Variants in SLC12A5 observed in about 807,000 individuals in gnomAD.
SLC12A5 encodes the protein solute carrier family 12 member 5.
A neutral mutation model predicts 124.0 loss-of-function variants in SLC12A5; 18 were observed. That is an observed-to-expected ratio of 0.15 (90% confidence interval 0.10 to 0.22). The LOEUF is 0.22. SLC12A5 is among the 10% of genes least tolerant of loss of function. The pLI is 1.00. For missense variants in SLC12A5, 867 were observed against 1,478.7 expected (o/e 0.59, Z 6.78); for synonymous variants, 589 against 568.0 (o/e 1.04, Z -0.53).
chr20:46,053,623 G>C lies in SLC12A5; in HGVS notation c.2593G>C (p.Asp865His). The part of the protein sequence containing the change: ...KMRIFTVAQM[D>H]DNSIQMKKDL... ...GCGTATCTTCACTGTGGCCCAGATGGATGACAATAGCATCCAGATGAAGAA... is the reference window on the plus strand; with the variant it reads ...GCGTATCTTCACTGTGGCCCAGATGCATGACAATAGCATCCAGATGAAGAA... The change falls in exon 20 of 26, where the codon GAT becomes CAT. Residue 865 changes from aspartate (D) to histidine (H), a missense_variant. Physicochemically the swap from Asp to His is moderately conservative, Grantham distance 81. This residue lies in a region of SLC12A5 where 70 missense variants were observed against 157.2 expected (regional missense o/e 0.45). Transcript: ENST00000243964. This position sits in a 1 kb window ranked among gnomAD's most constrained non-coding sequence, Gnocchi z 4.7. 2 of 1,614,038 alleles carry C rather than the reference G, an allele frequency of 1.2e-6. No homozygotes were observed. The highest frequency in any genetic ancestry group is 8.5e-7 in the Non-Finnish European group (1 of 1,179,932).
intron 15 of SLC12A5, 143 bp from the exon 16 acceptor site, chr20:46,047,838 T>G (rs1005229854): frequency 1.2e-5 from 10 of 864,060 alleles, no homozygotes; most frequent in Non-Finnish European, 1.8e-6. Flanking sequence ...AAGGCTTGGT[T>G]GAGTCTGTTG....
rs765469782 is a variant in SLC12A5 at position 46,043,829 on chromosome 20, A to T, written c.1337-47A>T. The T allele has an allele frequency of 3.1e-6, 5 of 1,612,312 alleles. No homozygotes were observed. The South Asian group carries it at 5.5e-5, about 18-fold the overall frequency. On this transcript the variant is annotated intron_variant, in intron 10 of 25. Coordinates refer to ENST00000243964, the MANE Select transcript of SLC12A5 (RefSeq NM_020708.5). ...ACCTGCTGGTGCAGGAAGGGTGGGG[A>T]GGGGGAGGACTGAACCGTGGGGATT...
rs1600606841 is a variant in SLC12A5 at position 46,056,245 on chromosome 20, T to G, written c.2883T>G (p.Gly961=). The change falls in exon 22 of 26, where the codon GGT becomes GGG. Residue 961 remains glycine, a synonymous_variant. Coordinates refer to ENST00000243964, the MANE Select transcript of SLC12A5 (RefSeq NM_020708.5). This position sits in a 1 kb window ranked among gnomAD's most constrained non-coding sequence, Gnocchi z 4.3. ...LRLNVPEETA[G]DSEEKPEEEV... The stretch of plus-strand genomic sequence containing the variant: ...TGAACGTCCCAGAAGAGACGGCTGG[T>G]GACAGTGAAGAGAAGCCAGAGGAGG... The G allele has an allele frequency of 1.2e-6, 2 of 1,614,040 alleles. No homozygotes were observed. Among genetic ancestry groups the G allele is most frequent in the Non-Finnish European group, 1.7e-6 (2 of 1,179,990 alleles).
rs925232647 is a variant in SLC12A5, at chr20:46,058,919, C to T, written c.*1314C>T. The T allele has an allele frequency of 7.6e-6, 3 of 395,296 alleles. No homozygotes were observed. The highest frequency in any genetic ancestry group is 1.3e-5 in the Non-Finnish European group (3 of 224,530). 24.5% of individuals were successfully genotyped at this position (395,296 alleles called of 1,614,324 possible). A position where few individuals can be genotyped will look rare whatever the true frequency, so the allele number is the denominator to read the frequency against. On this transcript the variant is annotated 3_prime_UTR_variant, in exon 26 of 26. Coordinates refer to ENST00000243964, the MANE Select transcript of SLC12A5 (RefSeq NM_020708.5). The surrounding 1 kb of genome is among the most constrained non-coding windows in gnomAD (Gnocchi z 5.8). Reference sequence around the variant, plus strand: ...AGCAGCGGCCTCTAGCTCCGTCTCCCGGGGACCTGGGCCTGAGGGAGGGCT... The same window carrying T: ...AGCAGCGGCCTCTAGCTCCGTCTCCTGGGGACCTGGGCCTGAGGGAGGGCT...
chr20:46,036,526 T>C, intron 4 of SLC12A5: 1 of 460,034 alleles, frequency 2.2e-6, no homozygotes, highest in Non-Finnish European at 4.0e-6. Flanking sequence ...TCTGATGCTG[T>C]GGCTTGCTTG....
intron 21 of SLC12A5, chr20:46,055,909 G>C: frequency 1.9e-6 from 1 of 531,720 alleles, no homozygotes; most frequent in South Asian, 2.0e-5. Flanking sequence ...GCTAGGCAGA[G>C]CCTTGCTGTG....
chr20:46,057,130 C>T lies in SLC12A5; in HGVS notation c.3126-40C>T, dbSNP rs756750915. On this transcript the variant is annotated intron_variant, in intron 24 of 25. Transcript: ENST00000243964. This position sits in a 1 kb window ranked among gnomAD's most constrained non-coding sequence, Gnocchi z 7.1. Reference sequence around the variant, plus strand: ...CGACTGGCTCCAATCTTCTCTACCCCCCCGGCTCACGCGGTCTCCACTCCT... The same window carrying T: ...CGACTGGCTCCAATCTTCTCTACCCTCCCGGCTCACGCGGTCTCCACTCCT... The T allele has an allele frequency of 4.7e-5, 75 of 1,612,004 alleles. No individual in the cohort carries two copies. Among genetic ancestry groups the T allele is most frequent in the South Asian group, 2.0e-4 (18 of 90,996 alleles).
At position 46,049,609 on chromosome 20, in the gene SLC12A5, GCA is replaced by G. The variant is rs754962121; in HGVS notation, c.2013-9_2013-8del. On this transcript the variant is annotated splice_polypyrimidine_tract_variant and intron_variant, in intron 16 of 25. Coordinates refer to ENST00000243964, the MANE Select transcript of SLC12A5 (RefSeq NM_020708.5). ...CATGGTATATGGATTATGTGACTCT[GCA>G]CACTCTTCAGGCCACAGCTGCTGGT... 6.3e-7 allele frequency: 1 copy of G among 1,594,560 alleles called. No individual in the cohort carries two copies. Among genetic ancestry groups the G allele is most frequent in the South Asian group, 1.1e-5 (1 of 87,748 alleles).
Position 46,058,733 on chromosome 20 carries a change from A to G in SLC12A5, c.*1128A>G. 2.5e-6 allele frequency: 1 copy of G among 398,948 alleles called. No individual in the cohort carries two copies. The highest frequency in any genetic ancestry group is 4.4e-6 in the Non-Finnish European group (1 of 226,092). 24.7% of individuals were successfully genotyped at this position (398,948 alleles called of 1,614,324 possible). A position where few individuals can be genotyped will look rare whatever the true frequency, so the allele number is the denominator to read the frequency against. On this transcript the variant is annotated 3_prime_UTR_variant, in exon 26 of 26. Transcript: ENST00000243964. This position sits in a 1 kb window ranked among gnomAD's most constrained non-coding sequence, Gnocchi z 5.8. ...CTCCCCGGAGTTTCCTCCCTGGGAC[A>G]AGTGAGGGAGGAGGGGGCCGATTCT...
chr20:46,058,357 C>T lies in SLC12A5; in HGVS notation c.*752C>T, dbSNP rs1402376925. 1 of 398,108 alleles carries T rather than the reference C, an allele frequency of 2.5e-6. No individual in the cohort carries two copies. The highest frequency in any genetic ancestry group is 3.6e-5 in the East Asian group (1 of 28,070). The allele number at this position is 398,108 out of a possible 1,614,324, so 24.7% of individuals were successfully genotyped here. On this transcript the variant is annotated 3_prime_UTR_variant, in exon 26 of 26. Transcript: ENST00000243964. The surrounding 1 kb of genome is among the most constrained non-coding windows in gnomAD (Gnocchi z 5.8). ...CTCCGTCCTGCTCTCGCCTCTTCGCCCTTTCCGCGCGCCCTTGGCTTCCCA... is the reference window on the plus strand; with the variant it reads ...CTCCGTCCTGCTCTCGCCTCTTCGCTCTTTCCGCGCGCCCTTGGCTTCCCA...
At chr20:46,047,669 T>A in intron 15 of SLC12A5, 96 bp downstream of exon 15, 1 of 1,453,272 alleles carries the variant, frequency 6.9e-7, no homozygotes, top group Non-Finnish European at 9.3e-7. Context: ...GTGGTGGGGG[T>A]GAGATGAAGC....
chr20:46,041,190 G>A lies in SLC12A5; in HGVS notation c.855-139G>A, dbSNP rs981822651. On this transcript the variant is annotated intron_variant, in intron 7 of 25. Coordinates refer to ENST00000243964, the MANE Select transcript of SLC12A5 (RefSeq NM_020708.5). ...AAAAAAAAAAAAAGCCAATGGCCAG[G>A]CTTCATTTAAATTAAACGAGGAACT... 7.1e-6 allele frequency: 5 copies of A among 699,844 alleles called. No individual in the cohort carries two copies. The South Asian group carries it at 9.6e-5, about 13-fold the overall frequency. The allele number at this position is 699,844 out of a possible 1,614,324, so 43.4% of individuals were successfully genotyped here.
At chr20:46,040,306 A>G (rs2084533993) in intron 6 of SLC12A5, 67 bp from the exon 7 acceptor site, 3 of 1,585,254 alleles carry the variant, frequency 1.9e-6, no homozygotes, top group South Asian at 1.1e-5. Context: ...CTTTTTTCCT[A>G]AAGCGCTGCA....
At position 46,040,565 on chromosome 20, in the gene SLC12A5, G is replaced by A. The variant is rs1365573127; in HGVS notation, c.805G>A (p.Ala269Thr). The change falls in exon 7 of 26, where the codon GCC (alanine) becomes ACC (threonine). Residue 269 changes from alanine (A) to threonine (T), a missense_variant. Coordinates refer to ENST00000243964, the MANE Select transcript of SLC12A5 (RefSeq NM_020708.5). ...GGGTTGTGTCATCCTCTCCATCCTG[G>A]CCATCTATGCTGGGGTCATCAAGTC... ...FLGCVILSILAIYAGVIKSAF... is the reference protein window; with the variant it reads ...FLGCVILSILTIYAGVIKSAF... 1 of 1,614,132 alleles carries A rather than the reference G, an allele frequency of 6.2e-7. No homozygotes were observed. Among genetic ancestry groups the A allele is most frequent in the Non-Finnish European group, 8.5e-7 (1 of 1,180,036 alleles).
In SLC12A5 at chr20:46,057,645, C is replaced by A; in HGVS notation, c.*40C>A. The A allele has an allele frequency of 6.5e-7, 1 of 1,536,724 alleles. No individual in the cohort carries two copies. Among genetic ancestry groups the A allele is most frequent in the Non-Finnish European group, 8.9e-7 (1 of 1,122,112 alleles). On this transcript the variant is annotated 3_prime_UTR_variant, in exon 26 of 26. Transcript: ENST00000243964. The surrounding 1 kb of genome is among the most constrained non-coding windows in gnomAD (Gnocchi z 7.1). ...CACCCGGGCCCGAGCGCGCCCGGCC[C>A]GCGGCTCCGGAGCCCTCGCCGCGCC... is the stretch of plus-strand genomic sequence containing the variant.
chr20:46,040,843 G>A (rs1253741521), intron 7 of SLC12A5: 2 of 618,096 alleles, frequency 3.2e-6, no homozygotes, highest in Non-Finnish European at 5.4e-6. Flanking sequence ...TCAACTTCTT[G>A]CTGGTAGGGT....
At position 46,041,551 on chromosome 20, in the gene SLC12A5, G is replaced by A. The variant is rs2084547701; in HGVS notation, c.1066+11G>A. The A allele has an allele frequency of 3.7e-6, 6 of 1,613,262 alleles. No individual in the cohort carries two copies. The highest frequency in any genetic ancestry group is 4.2e-6 in the Non-Finnish European group (5 of 1,179,796). On this transcript the variant is annotated intron_variant, in intron 8 of 25. Transcript: ENST00000243964. ...GTGGCCTCATCAAAGGTCTGCGGAG[G>A]GACAAGGGCTGGCATCCAGGGAACG...
chr20:46,032,067 C>T (rs999987562), intron 1 of SLC12A5, among the ~76,000 whole-genome samples: 1 of 152,254 alleles, frequency 6.6e-6, no homozygotes, highest in African/African-American at 2.4e-5. Context: ...AACTAGCCTA[C>T]CTAGCCGCCC....
chr20:46,029,887 TGTGCGC>T (rs767336742), intron 1 of SLC12A5, among the ~76,000 whole-genome samples: 3,503 of 112,816 alleles, frequency 0.031, 161 homozygotes, highest in East Asian at 0.19. Flanking sequence ...TGTGTGTGTG[TGTGCGC>T]GCGCGTGCGT....
Sources: gnomAD v4.1 joint callset for allele counts (sites outside exome capture counted in the v4.1 genomes callset) on GRCh38, gnomAD v4.1.1 for gene constraint, gnomAD v4.1.1 regional missense constraint, Gnocchi (gnomAD v3.1) non-coding constraint, MANE v1.5 for transcripts, NCBI Gene and HGNC (gene_info 2026-07-23, HGNC 2026-07-21) for gene names.